ZNF398: variants seen among roughly 807,000 people sequenced by gnomAD.
ZNF398 encodes the protein zinc finger protein 398, also known as zinc finger DNA binding protein ZER6.
Under a neutral mutation model 41.9 loss-of-function variants are expected in ZNF398, and 18 were observed. That is an observed-to-expected ratio of 0.43 (90% CI 0.30 to 0.64). The LOEUF is 0.64. ZNF398 is among the 30% of genes least tolerant of loss of function. The pLI is 0.14. For missense variants in ZNF398, 669 were observed against 822.8 expected (o/e 0.81, Z 2.29); for synonymous variants, 260 against 308.8 (o/e 0.84, Z 1.66).
At chr7:149,172,777 G>A (rs1335976705) in intron 4 of ZNF398, among the ~76,000 whole-genome samples, 1 of 152,146 alleles carries the variant, frequency 6.6e-6, no homozygotes, top group Admixed American at 6.6e-5. Flanking sequence ...GGCATCTCCA[G>A]GATATTGTGG....
chr7:149,151,384 G>A, intron 1 of ZNF398: 2 of 437,986 alleles, frequency 4.6e-6, no homozygotes, highest in South Asian at 3.7e-5. Context: ...CAAATGGAAT[G>A]GTCAAAGGAC....
intron 2 of ZNF398, among the ~76,000 whole-genome samples, chr7:149,134,943 C>T (rs1319603509): frequency 6.6e-6 from 1 of 152,086 alleles, no homozygotes; most frequent in Admixed American, 6.6e-5. Flanking sequence ...GTTGGCCAGG[C>T]TGGTCTGGAA....
At chr7:149,159,214 T>G (rs1160662352) in intron 2 of ZNF398, among the ~76,000 whole-genome samples, 1 of 151,802 alleles carries the variant, frequency 6.6e-6, no homozygotes, top group African/African-American at 2.4e-5. Flanking sequence ...AGTGCTGGGA[T>G]TACAGGTGTG....
In ZNF398 at chr7:149,166,170, T is replaced by A. The variant is rs1204484908; in HGVS notation, c.433T>A (p.Phe145Ile). 5 of 1,613,856 alleles carry A rather than the reference T, an allele frequency of 3.1e-6. No homozygotes were observed. Among genetic ancestry groups the A allele is most frequent in the Non-Finnish European group, 4.2e-6 (5 of 1,179,924 alleles). ...KGDIPKVPVA[F>I]DDVSIYFSTP... ...ATTGTAATTTTAGGTGCCTGTGGCA[T>A]TTGATGATGTCTCCATCTACTTTTC... Residue 145 changes from phenylalanine to isoleucine, a missense_variant, in exon 3 of 6, where the codon TTT (phenylalanine) becomes ATT (isoleucine). Around this residue, in one of 3 missense-constraint regions of ZNF398, gnomAD observed 169 missense variants for 239.5 expected, o/e 0.71. Coordinates refer to ENST00000475153, the MANE Select transcript of ZNF398 (RefSeq NM_170686.3).
At chr7:149,176,158 C>A (rs186037054) in intron 4 of ZNF398, among the ~76,000 whole-genome samples, 2 of 151,864 alleles carry the variant, frequency 1.3e-5, no homozygotes, top group Middle Eastern at 3.2e-3. Context: ...CGGTGAAACC[C>A]CATCTCTACT....
rs191080854 is a variant in ZNF398 at position 149,176,709 on chromosome 7, C to T, written c.775+128C>T. The T allele has an allele frequency of 2.6e-4, 152 of 590,442 alleles. 1 individual carries two copies. The African/African-American group carries it at 2.7e-3, about 10-fold the overall frequency. 36.6% of individuals were successfully genotyped at this position (590,442 alleles called of 1,614,324 possible). ...AGAATGAGGGAAAGAAAAAGCCATGCTCAACATTATGAATGAAACCAAACA... is the reference window on the plus strand; with the variant it reads ...AGAATGAGGGAAAGAAAAAGCCATGTTCAACATTATGAATGAAACCAAACA... On this transcript the variant is annotated intron_variant, in intron 5 of 5. Coordinates refer to ENST00000475153, the MANE Select transcript of ZNF398 (RefSeq NM_170686.3).
At chr7:149,158,593 G>C (rs1215956456) in intron 2 of ZNF398, among the ~76,000 whole-genome samples, 1 of 152,092 alleles carries the variant, frequency 6.6e-6, no homozygotes, top group Non-Finnish European at 1.5e-5. Context: ...CCAGCACTTT[G>C]GGAGGCCTAG....
chr7:149,162,679 C>G (rs761450509), intron 2 of ZNF398, among the ~76,000 whole-genome samples: 5 of 152,172 alleles, frequency 3.3e-5, no homozygotes, highest in Admixed American at 1.3e-4. Context: ...ATATAACCAG[C>G]TGCTTAGTGT....
At position 149,179,328 on chromosome 7, in the gene ZNF398, C is replaced by T; in HGVS notation, c.1456C>T (p.Pro486Ser). 1 of 1,613,412 alleles carries T rather than the reference C, an allele frequency of 6.2e-7. No individual in the cohort carries two copies. Among genetic ancestry groups the T allele is most frequent in the Non-Finnish European group, 8.5e-7 (1 of 1,180,020 alleles). ...TGCACAAGAGCGCCCTTTCTCCTGC[C>T]CTCAGTGTGGCATTGACTTCAACGG... ...GHAQERPFSCPQCGIDFNGHS... is the reference protein window; with the variant it reads ...GHAQERPFSCSQCGIDFNGHS... Residue 486 changes from proline to serine, a missense_variant, in exon 6 of 6, where the codon CCT becomes TCT. By Grantham distance (74) the Pro-to-Ser change is moderately conservative (BLOSUM62 -1). Coordinates refer to ENST00000475153, the MANE Select transcript of ZNF398 (RefSeq NM_170686.3). This position sits in a 1 kb window ranked among gnomAD's most constrained non-coding sequence, Gnocchi z 6.1.
rs377281995 is a variant in ZNF398 at position 149,169,480 on chromosome 7, TAGAGTGCAGTGCCATGATC to T, written c.661+2570_661+2588del. Among the ~76,000 whole-genome samples, 47 of 152,312 alleles carry T rather than the reference TAGAGTGCAGTGCCATGATC, an allele frequency of 3.1e-4. No individual in the cohort carries two copies. The East Asian group carries it at 5.8e-3, about 19-fold the overall frequency. The stretch of plus-strand genomic sequence containing the variant: ...CAAGGTCTGGCTCTATTGCCCAGGC[TAGAGTGCAGTGCCATGATC>T]AGAGTGCAGTGCCATGATCTGAGAT... On this transcript the variant is annotated intron_variant, in intron 4 of 5. Transcript: ENST00000475153.
At chr7:149,145,704 C>T (rs1289482372), upstream of ZNF398, among the ~76,000 whole-genome samples, 1 of 152,174 alleles carries the variant, frequency 6.6e-6, no homozygotes, top group Non-Finnish European at 1.5e-5. Flanking sequence ...AATCAGTCAA[C>T]TCCATTACCC....
At chr7:149,152,617 A>G (rs1236364670) in intron 1 of ZNF398, among the ~76,000 whole-genome samples, 1 of 149,890 alleles carries the variant, frequency 6.7e-6, no homozygotes, top group Non-Finnish European at 1.5e-5. Context: ...CCCAGGCTGG[A>G]ATGCAATGAT....
At chr7:149,148,863 CTTTTTTTT>C (rs59895177) in intron 1 of ZNF398, among the ~76,000 whole-genome samples, 34 of 63,284 alleles carry the variant, frequency 5.4e-4, no homozygotes, top group Middle Eastern at 0.018. Flanking sequence ...TTTTCTTTGT[CTTTTTTTT>C]TTTTTTTTTT....
At chr7:149,166,784 T>C in intron 3 of ZNF398, 33 bp from the exon 4 acceptor site, 1 of 1,491,178 alleles carries the variant, frequency 6.7e-7, no homozygotes, top group Non-Finnish European at 9.3e-7. Flanking sequence ...TTTATCTCTT[T>C]GTAATACTCT....
chr7:149,155,292 C>T (rs768688243), intron 2 of ZNF398, among the ~76,000 whole-genome samples: 7 of 152,030 alleles, frequency 4.6e-5, no homozygotes, highest in South Asian at 2.1e-4. Flanking sequence ...TGGTGGTGGG[C>T]GCCTTTAATC....
rs767663964 is a variant in ZNF398 at position 149,179,797 on chromosome 7, T to C, written c.1925T>C (p.Leu642Ser). ...GGGGAAGGGAGTGGAGGGGGAGTTTTGTAAATCCAAATCTCTGTGGCTTCA... is the reference window on the plus strand; with the variant it reads ...GGGGAAGGGAGTGGAGGGGGAGTTTCGTAAATCCAAATCTCTGTGGCTTCA... The part of the protein sequence containing the change: ...WYGEGSGGGV[L>S] Residue 642 changes from leucine (L) to serine (S), a missense_variant, in exon 6 of 6, where the codon TTG becomes TCG. Physicochemically the swap from Leu to Ser is moderately radical, Grantham distance 145. Transcript: ENST00000475153. This position sits in a 1 kb window ranked among gnomAD's most constrained non-coding sequence, Gnocchi z 6.1. The C allele has an allele frequency of 6.4e-7, 1 of 1,567,946 alleles. No homozygotes were observed. The highest frequency in any genetic ancestry group is 8.7e-7 in the Non-Finnish European group (1 of 1,154,532).
rs115823690 is a variant in ZNF398, at chr7:149,165,927, A to G, written c.421-231A>G. Among the ~76,000 whole-genome samples the G allele has an allele frequency of 8.7e-3, 1,323 of 152,326 alleles. 8 individuals carry two copies. Among genetic ancestry groups the G allele is most frequent in the African/African-American group, 0.015 (636 of 41,560 alleles). On this transcript the variant is annotated intron_variant, in intron 2 of 5. Coordinates refer to ENST00000475153, the MANE Select transcript of ZNF398 (RefSeq NM_170686.3). ...CCAAAATACTCGAATGTGCCTCAAG[A>G]AAAGGTACCAGCTTTATTTAAGGGA...
At chr7:149,157,349 A>G (rs2129520614) in intron 2 of ZNF398, among the ~76,000 whole-genome samples, 1 of 151,388 alleles carries the variant, frequency 6.6e-6, no homozygotes, top group South Asian at 2.1e-4. Flanking sequence ...CCTAGCTAAC[A>G]CGGCGAAACC....
At chr7:149,133,359 C>G (rs1235033515) in intron 2 of ZNF398, among the ~76,000 whole-genome samples, 1 of 151,898 alleles carries the variant, frequency 6.6e-6, no homozygotes, top group Non-Finnish European at 1.5e-5. Flanking sequence ...AGTGATCTGC[C>G]CACCCCAGCC....
Sources: gnomAD v4.1 joint callset for allele counts (sites outside exome capture counted in the v4.1 genomes callset) on GRCh38, gnomAD v4.1.1 for gene constraint, gnomAD v4.1.1 regional missense constraint, Gnocchi (gnomAD v3.1) non-coding constraint, MANE v1.5 for transcripts, NCBI Gene and HGNC (gene_info 2026-07-23, HGNC 2026-07-21) for gene names.